The following AGT variants were observed in gnomAD, a reference collection of about 807,000 sequenced individuals.
AGT encodes alpha-1 antiproteinase, antitrypsin.
In AGT, 26 loss-of-function variants were observed where a neutral mutation model predicts 28.1. That is an observed-to-expected ratio of 0.92 (90% CI 0.68 to 1.28). The LOEUF (loss-of-function observed/expected upper bound fraction) is 1.28. AGT is among the 50% of genes most tolerant of loss of function. The probability of loss-of-function intolerance (pLI) is 0.00; values close to 1 mark genes in which losing one functional copy is unlikely to be tolerated. For missense variants in AGT, 596 were observed against 592.3 expected (o/e 1.01, Z -0.06); for synonymous variants, 259 against 259.6 (o/e 1.00, Z 0.02).
At chr1:230,708,335 C>T (rs952515419) in intron 2 of AGT, among the ~76,000 whole-genome samples, 3 of 152,324 alleles carry the variant, frequency 2.0e-5, no homozygotes, top group African/African-American at 7.2e-5. Flanking sequence ...CTTGCCTTTG[C>T]CTTCTGCAGG....
rs1174250325 is a variant in AGT at position 230,704,347 on chromosome 1, T to C, written c.1098-10A>G. 8 of 1,614,018 alleles carry C rather than the reference T, an allele frequency of 5.0e-6. No individual in the cohort carries two copies. The highest frequency in any genetic ancestry group is 1.7e-4 in the Middle Eastern group (1 of 6,034). Reference sequence around the variant, plus strand: ...GGTCAGGTGGATGGTCCTGGGGAGATGATGCACAGTTAGGAAGGCTCCAGG... The same window carrying C: ...GGTCAGGTGGATGGTCCTGGGGAGACGATGCACAGTTAGGAAGGCTCCAGG... On this transcript the variant is annotated splice_polypyrimidine_tract_variant and intron_variant, in intron 3 of 4. Coordinates refer to ENST00000366667, the MANE Select transcript of AGT (RefSeq NM_001384479.1).
intron 1 of AGT, among the ~76,000 whole-genome samples, chr1:230,741,805 G>T (rs886832069): frequency 1.3e-5 from 2 of 152,184 alleles, no homozygotes; most frequent in Non-Finnish European, 2.9e-5. Flanking sequence ...CAGACATCTT[G>T]CGAGGAGAGA....
rs201777691 is a variant in AGT, at chr1:230,710,703, T to A, written c.121A>T (p.Thr41Ser). ...PFHLVIHNES[T>S]CEQLAKANAG... is the part of the protein sequence containing the mutation. ...TTGGCCTTTGCCAGCTGCTCACAGG[T>A]ACTCTCATTGTGGATGACGAGGTGG... The change falls in exon 2 of 5, where the codon ACC becomes TCC. Residue 41 changes from threonine (T) to serine (S), a missense_variant. Thr to Ser is a moderately conservative substitution (Grantham distance 58). Coordinates refer to ENST00000366667, the MANE Select transcript of AGT (RefSeq NM_001384479.1). 1.1e-4 allele frequency: 180 copies of A among 1,614,154 alleles called. No individual in the cohort carries two copies. The East Asian group carries it at 2.1e-3, about 19-fold the overall frequency.
At chr1:230,704,910 A>C (rs1470293647) in intron 3 of AGT, among the ~76,000 whole-genome samples, 1 of 152,242 alleles carries the variant, frequency 6.6e-6, no homozygotes, top group Non-Finnish European at 1.5e-5. Flanking sequence ...GGTACACTGC[A>C]CTATTCACAG....
rs1054179504 is a variant in AGT, at chr1:230,740,253, G to A, written c.-31+5262C>T. 5.9e-5 allele frequency among the ~76,000 whole-genome samples: 9 copies of A among 152,242 alleles called. No individual in the cohort carries two copies. The South Asian group carries it at 6.2e-4, about 11-fold the overall frequency. ...AGGACGAACAGAGGTCACTTTCATC[G>A]CCATCTTGGTTTTAGTGGGTTTTGG... On this transcript the variant is annotated intron_variant, in intron 1 of 4. Coordinates refer to the AGT transcript ENST00000681269.
At chr1:230,709,923 T>C (rs1663522203) in intron 2 of AGT, 72 bp downstream of exon 2, 1 of 1,605,934 alleles carries the variant, frequency 6.2e-7, no homozygotes. Flanking sequence ...CTCCAAGGCC[T>C]GACTGGCTGA....
At position 230,703,156 on chromosome 1, in the gene AGT, C is replaced by A. The variant is rs557779167; in HGVS notation, c.1416G>T (p.Pro472=). 6.2e-7 allele frequency: 1 copy of A among 1,613,824 alleles called. No individual in the cohort carries two copies. Among genetic ancestry groups the A allele is most frequent in the South Asian group, 1.1e-5 (1 of 91,066 alleles). ...ALHFLGRVAN[P]LSTA The stretch of plus-strand genomic sequence containing the variant: ...GGCCCTGGCCTCATGCTGTGCTCAG[C>A]GGGTTGGCCACGCGGCCCAGGAAGT... Residue 472 remains proline, a synonymous_variant, in exon 5 of 5, where the codon CCG becomes CCT. Transcript: ENST00000366667.
chr1:230,719,419 T>TATTATTATTACG (rs373330851), upstream of AGT, among the ~76,000 whole-genome samples: 2 of 94,768 alleles, frequency 2.1e-5, no homozygotes, highest in African/African-American at 8.7e-5. Flanking sequence ...TTTTTTTTTT[T>TATTATTATTACG]TTTTTTGAGA....
rs58359338 is a variant in AGT at position 230,711,816 on chromosome 1, T to TA, written c.-30-964dup. Among the ~76,000 whole-genome samples, 524 of 136,304 alleles carry TA rather than the reference T, an allele frequency of 3.8e-3. 2 individuals carry two copies. The highest frequency in any genetic ancestry group is 5.4e-3 in the Admixed American group (76 of 13,962). 89.4% of individuals were successfully genotyped at this position (136,304 alleles called of 152,430 possible). ...CCTTAGTCTGTGCTGGGACCACGTA[T>TA]AAAAAAAAAAAAAAAAAAATAGAAA... On this transcript the variant is annotated intron_variant, in intron 1 of 4. Transcript: ENST00000366667.
rs1663971569 is a variant in AGT, at chr1:230,727,760, A to C, written c.-30-16907T>G. Among the ~76,000 whole-genome samples the C allele has an allele frequency of 2.0e-5, 3 of 152,214 alleles. No homozygotes were observed. The South Asian group carries it at 6.2e-4, about 32-fold the overall frequency. On this transcript the variant is annotated intron_variant, in intron 1 of 4. Coordinates refer to the AGT transcript ENST00000681269. ...GATACCTACCCTATATAAGGTACTG[A>C]CATGGGAGACATAAATTATATGACA...
At position 230,710,732 on chromosome 1, in the gene AGT, G is replaced by T; in HGVS notation, c.92C>A (p.Pro31His). Residue 31 changes from proline to histidine, a missense_variant, in exon 2 of 5, where the codon CCC (proline) becomes CAC (histidine). Coordinates refer to ENST00000366667, the MANE Select transcript of AGT (RefSeq NM_001384479.1). ...CTCATTGTGGATGACGAGGTGGAAGGGGTGTATGTACACCCGGTCACCTGC... is the reference window on the plus strand; with the variant it reads ...CTCATTGTGGATGACGAGGTGGAAGTGGTGTATGTACACCCGGTCACCTGC... The part of the protein sequence containing the change: ...LAAGDRVYIH[P>H]FHLVIHNEST... The T allele has an allele frequency of 2.5e-6, 4 of 1,614,092 alleles. No homozygotes were observed. The highest frequency in any genetic ancestry group is 3.4e-6 in the Non-Finnish European group (4 of 1,179,956).
At chr1:230,705,046 A>G (rs185149114) in intron 3 of AGT, among the ~76,000 whole-genome samples, 44 of 152,332 alleles carry the variant, frequency 2.9e-4, no homozygotes, top group Non-Finnish European at 2.1e-4. Context: ...ATGTGCTACA[A>G]CATGGGTGAA....
chr1:230,721,004 G>T (rs1216905034), intron 1 of AGT, among the ~76,000 whole-genome samples: 1 of 152,240 alleles, frequency 6.6e-6, no homozygotes, highest in African/African-American at 2.4e-5. Flanking sequence ...GGCCGATTGG[G>T]TGAGGCACCT....
At chr1:230,720,667 T>A (rs566023155) in intron 1 of AGT, among the ~76,000 whole-genome samples, 1 of 152,370 alleles carries the variant, frequency 6.6e-6, no homozygotes, top group East Asian at 1.9e-4. Flanking sequence ...TACATATACC[T>A]GTCCTTTCCT....
At chr1:230,723,200 C>T (rs1336199214) in intron 1 of AGT, among the ~76,000 whole-genome samples, 1 of 152,188 alleles carries the variant, frequency 6.6e-6, no homozygotes, top group African/African-American at 2.4e-5. Context: ...GTGCCTCCTT[C>T]CCCTTCCACC....
At chr1:230,718,722 C>CTTTTTTTTTTTTTTT (rs1228887131), upstream of AGT, among the ~76,000 whole-genome samples, 20 of 118,452 alleles carry the variant, frequency 1.7e-4, no homozygotes, top group African/African-American at 6.2e-4. Flanking sequence ...TTCCACACCG[C>CTTTTTTTTTTTTTTT]TTTTTTTTTT....
intron 1 of AGT, among the ~76,000 whole-genome samples, chr1:230,732,692 G>A (rs939099236): frequency 5.3e-5 from 8 of 152,120 alleles, no homozygotes; most frequent in East Asian, 1.9e-4. Context: ...TAAGAAAATC[G>A]TAACAAAGAG....
intron 1 of AGT, among the ~76,000 whole-genome samples, chr1:230,732,643 T>C (rs1003025953): frequency 6.6e-6 from 1 of 152,228 alleles, no homozygotes; most frequent in East Asian, 1.9e-4. Flanking sequence ...GTATATTATA[T>C]ACTGTGCACA....
In AGT at chr1:230,702,804, T is replaced by C. The variant is rs1372912712; in HGVS notation, c.*337A>G. 9.9e-6 allele frequency: 3 copies of C among 304,072 alleles called. No individual in the cohort carries two copies. Among genetic ancestry groups the C allele is most frequent in the Non-Finnish European group, 1.8e-5 (3 of 162,194 alleles). The allele number at this position is 304,072 out of a possible 1,614,324, so 18.8% of individuals were successfully genotyped here. Reference sequence around the variant, plus strand: ...AACTTGAAAAGGGAACACTTTTTTGTTTCACAAACAAGCTGGTCGGTTGGA... The same window carrying C: ...AACTTGAAAAGGGAACACTTTTTTGCTTCACAAACAAGCTGGTCGGTTGGA... On this transcript the variant is annotated 3_prime_UTR_variant, in exon 5 of 5. Transcript: ENST00000366667.
Sources: gnomAD v4.1 joint callset for allele counts (sites outside exome capture counted in the v4.1 genomes callset) on GRCh38, gnomAD v4.1.1 for gene constraint, MANE v1.5 for transcripts, NCBI Gene and HGNC (gene_info 2026-07-23, HGNC 2026-07-21) for gene names.